Variants in TDRD12 observed in about 807,000 individuals in gnomAD.
TDRD12 encodes tudor domain containing 12.
A neutral mutation model predicts 133.5 loss-of-function variants in TDRD12; 158 were observed. The observed-to-expected ratio is 1.18, with a 90% confidence interval of 1.04 to 1.35. The LOEUF (loss-of-function observed/expected upper bound fraction) is 1.35. TDRD12 is among the 40% of genes most tolerant of loss of function. The pLI, the probability that TDRD12 is intolerant of heterozygous loss-of-function variation, is 0.00. For synonymous variants in TDRD12, 460 were observed against 477.9 expected, an observed-to-expected ratio of 0.96 and a Z score of 0.49; for missense variants, 1,443 against 1,321.3, an observed-to-expected ratio of 1.09 and a Z score of -1.43.
At chr19:32,770,772 A>T (rs34180354) in intron 8 of TDRD12, among the ~76,000 whole-genome samples, 2 of 152,236 alleles carry the variant, frequency 1.3e-5, no homozygotes, top group Non-Finnish European at 2.9e-5. Flanking sequence ...ATGGAATTCA[A>T]TAACGCACAT....
intron 1 of TDRD12, among the ~76,000 whole-genome samples, chr19:32,728,766 C>T (rs953866218): frequency 2.0e-4 from 30 of 151,076 alleles, no homozygotes; most frequent in African/African-American, 6.8e-4. Flanking sequence ...CTGCCTCAGC[C>T]CCCTGAGTAG....
chr19:32,810,948 C>G (rs1251277126), intron 23 of TDRD12, among the ~76,000 whole-genome samples: 1 of 152,052 alleles, frequency 6.6e-6, no homozygotes, highest in Non-Finnish European at 1.5e-5. Flanking sequence ...AACTTTGAGA[C>G]TTTAATTTGC....
intron 2 of TDRD12, among the ~76,000 whole-genome samples, chr19:32,736,760 C>T (rs1178182696): frequency 1.3e-5 from 2 of 152,212 alleles, no homozygotes; most frequent in African/African-American, 4.8e-5. Flanking sequence ...GCTTTATAAA[C>T]CTGTGGTTAG....
At chr19:32,746,783 T>C (rs1254076206) in intron 4 of TDRD12, among the ~76,000 whole-genome samples, 1 of 150,060 alleles carries the variant, frequency 6.7e-6, no homozygotes, top group Non-Finnish European at 1.5e-5. Flanking sequence ...ATGTGGTTAT[T>C]CTGTGTGTGA....
chr19:32,781,967 T>TTTTC (rs1555772140), intron 11 of TDRD12, among the ~76,000 whole-genome samples: 3 of 150,462 alleles, frequency 2.0e-5, no homozygotes, highest in African/African-American at 7.3e-5. Context: ...AAAATATATT[T>TTTTC]TTCTTTTTTT....
At chr19:32,788,185 C>T (rs145373637) in intron 11 of TDRD12, among the ~76,000 whole-genome samples, 5 of 151,088 alleles carry the variant, frequency 3.3e-5, no homozygotes, top group African/African-American at 9.8e-5. Context: ...TGCAGTGGTG[C>T]GATGTCGGCT....
chr19:32,784,616 C>T (rs1246503054), intron 11 of TDRD12, among the ~76,000 whole-genome samples: 1 of 152,078 alleles, frequency 6.6e-6, no homozygotes, highest in Non-Finnish European at 1.5e-5. Flanking sequence ...TCTGTCTGTT[C>T]CTGGAATTTT....
intron 22 of TDRD12, 62 bp downstream of exon 22, chr19:32,807,710 A>C: frequency 8.1e-7 from 1 of 1,237,654 alleles, no homozygotes; most frequent in Non-Finnish European, 1.1e-6. Flanking sequence ...AACGTGTTTT[A>C]TTTGTTAAGC....
chr19:32,812,182 G>A (rs559011743), intron 24 of TDRD12, among the ~76,000 whole-genome samples: 1 of 152,226 alleles, frequency 6.6e-6, no homozygotes, highest in South Asian at 2.1e-4. Flanking sequence ...GCTGGAGTGG[G>A]AAGGCCCAGC....
intron 4 of TDRD12, among the ~76,000 whole-genome samples, chr19:32,747,464 T>C (rs1023389206): frequency 1.2e-4 from 18 of 152,228 alleles, no homozygotes; most frequent in Admixed American, 5.2e-4. Flanking sequence ...ATTTGATCTT[T>C]AAAAGAATTC....
At chr19:32,778,844 T>C (rs1970682808) in intron 11 of TDRD12, among the ~76,000 whole-genome samples, 1 of 152,196 alleles carries the variant, frequency 6.6e-6, no homozygotes, top group South Asian at 2.1e-4. Context: ...ATTAAAAAGT[T>C]CTGTCTTGTC....
At chr19:32,749,716 A>G in intron 5 of TDRD12, 68 bp from the exon 6 acceptor site, 1 of 1,254,352 alleles carries the variant, frequency 8.0e-7, no homozygotes, top group East Asian at 2.5e-5. Context: ...CTAGGTGGGA[A>G]ATCGTCATGA....
intron 21 of TDRD12, among the ~76,000 whole-genome samples, chr19:32,806,337 G>GTT (rs58555952): frequency 0.03 from 4,041 of 135,220 alleles, 194 homozygotes; most frequent in African/African-American, 0.089. Context: ...AGAAGACCGA[G>GTT]TTTTTTTTTT....
intron 3 of TDRD12, among the ~76,000 whole-genome samples, chr19:32,740,623 G>A (rs548924378): frequency 5.8e-4 from 88 of 152,106 alleles, no homozygotes; most frequent in Admixed American, 2.0e-3. Flanking sequence ...GCTCCTTGCC[G>A]GCTGCTCTCC....
rs1969745662 is a variant in TDRD12, at chr19:32,749,142, AGAG to A, written c.496+618_496+620del. On this transcript the variant is annotated intron_variant, in intron 5 of 27. Transcript: ENST00000444215. Reference sequence around the variant, plus strand: ...TCCTGTGCTGTGTCATCATCTGGGTAGAGGAGGAGCCAGACCCTTTGACCTGGG... The same window carrying A: ...TCCTGTGCTGTGTCATCATCTGGGTAGAGGAGCCAGACCCTTTGACCTGGG... Among the ~76,000 whole-genome samples the A allele has an allele frequency of 2.0e-5, 3 of 152,154 alleles. No homozygotes were observed. The South Asian group carries it at 6.2e-4, about 32-fold the overall frequency.
intron 2 of TDRD12, among the ~76,000 whole-genome samples, chr19:32,737,006 C>T (rs957796391): frequency 3.1e-5 from 3 of 97,256 alleles, no homozygotes; most frequent in African/African-American, 5.1e-5. Flanking sequence ...TTGCTCAGGA[C>T]ACTTAACATT....
At chr19:32,800,799 T>A in intron 18 of TDRD12, 27 bp downstream of exon 18, 1 of 1,495,872 alleles carries the variant, frequency 6.7e-7, no homozygotes, top group Non-Finnish European at 8.8e-7. Flanking sequence ...ATAAAAAATG[T>A]TCTGTTTGTT....
Position 32,796,123 on chromosome 19 carries a change from G to A in TDRD12, c.1473+1310G>A, listed in dbSNP as rs1381764232. 22 of 985,202 alleles carry A rather than the reference G, an allele frequency of 2.2e-5. No individual in the cohort carries two copies. In the East Asian group the frequency reaches 1.2e-3, roughly 56 times the overall value. The allele number at this position is 985,202 out of a possible 1,614,324, so 61.0% of individuals were successfully genotyped here. ...GGCCCTGTGCTGCTGGTTTGTGGCT[G>A]TTAGGGGCCTGATGGGTGTGGAACC... On this transcript the variant is annotated intron_variant, in intron 14 of 27. Coordinates refer to ENST00000444215, the Ensembl canonical transcript of TDRD12.
intron 16 of TDRD12, 27 bp from the exon 17 acceptor site, chr19:32,800,140 A>T: frequency 7.8e-7 from 1 of 1,284,454 alleles, no homozygotes; most frequent in Non-Finnish European, 1.1e-6. Context: ...TGAAATAAAA[A>T]TGAAATTAAT....
Sources: allele counts gnomAD v4.1 joint callset (sites outside exome capture counted in the v4.1 genomes callset), GRCh38; gene constraint gnomAD v4.1.1; transcripts MANE v1.5; gene names NCBI Gene and HGNC (gene_info 2026-07-23, HGNC 2026-07-21).